Variants in GPR176 observed in about 807,000 individuals in gnomAD.
The protein encoded by GPR176 is G-protein coupled receptor 176.
GPR176 carries 26 observed loss-of-function variants against 35.4 expected under a neutral mutation model. That is an observed-to-expected ratio of 0.74 (90% CI 0.54 to 1.02). The LOEUF (loss-of-function observed/expected upper bound fraction) is 1.02, where lower values mean the gene tolerates loss of function less well. Ranked by LOEUF, GPR176 falls within the 50% of genes least tolerant of loss-of-function variation. GPR176 has a pLI of 0.00. For synonymous variants in GPR176, 278 were observed against 271.3 expected (o/e 1.02, Z -0.24); for missense variants, 597 against 665.3 (o/e 0.90, Z 1.13).
intron 1 of GPR176, chr15:39,807,506 CA>C: frequency 7.1e-7 from 1 of 1,409,384 alleles, no homozygotes; most frequent in Non-Finnish European, 9.4e-7. Context: ...TAATTTTGGG[CA>C]AAATAGTATT....
At chr15:39,881,760 G>A (rs2032484416) in intron 1 of GPR176, among the ~76,000 whole-genome samples, 1 of 152,176 alleles carries the variant, frequency 6.6e-6, no homozygotes, top group Non-Finnish European at 1.5e-5. Context: ...ACATAGTAAT[G>A]AATATAGCAA....
In GPR176 at chr15:39,801,931, T is replaced by G. The variant is rs1281868684; in HGVS notation, c.749A>C (p.Asn250Thr). The G allele has an allele frequency of 3.6e-5, 58 of 1,613,878 alleles. No individual in the cohort carries two copies. The highest frequency in any genetic ancestry group is 8.3e-5 in the Admixed American group (5 of 59,996). Residue 250 changes from asparagine (N) to threonine (T), a missense_variant, in exon 3 of 3, where the codon AAC becomes ACC. By Grantham distance (65) the Asn-to-Thr change is moderately conservative (BLOSUM62 0). Transcript: ENST00000561100. ...GGAGGCATAGGGAATAGAGATGGTG[T>G]TCTGTGGGGTCCGGAGCGCTGCTAT... ...VIIAALRTPQ[N>T]TISIPYASQR...
intron 1 of GPR176, among the ~76,000 whole-genome samples, chr15:39,852,929 G>T (rs908983686): frequency 3.3e-5 from 5 of 152,126 alleles, no homozygotes; most frequent in Non-Finnish European, 7.4e-5. Context: ...ACAAGGTGAG[G>T]ATGTGAAGAA....
chr15:39,848,320 G>A (rs1178020822), intron 1 of GPR176, among the ~76,000 whole-genome samples: 6 of 152,194 alleles, frequency 3.9e-5, no homozygotes, highest in African/African-American at 7.2e-5. Context: ...TGTGTGATGC[G>A]AAAACTTAGA....
Position 39,807,055 on chromosome 15 carries a change from C to G in GPR176, c.376G>C (p.Val126Leu). The G allele has an allele frequency of 6.2e-7, 1 of 1,613,890 alleles. No homozygotes were observed. Among genetic ancestry groups the G allele is most frequent in the African/African-American group, 1.3e-5 (1 of 75,024 alleles). The change falls in exon 2 of 3, where the codon GTA becomes CTA. Residue 126 changes from valine (V) to leucine (L), a missense_variant. Transcript: ENST00000561100. ...FCKVVKFLHK[V>L]FCSVTILSFP... ...CTGAGGATGGTCACAGAGCAGAATA[C>G]TTTGTGCAAAAATTTGACGACCTTG...
chr15:39,808,232 T>C (rs1320520633), intron 1 of GPR176, among the ~76,000 whole-genome samples: 4 of 152,174 alleles, frequency 2.6e-5, no homozygotes, highest in Non-Finnish European at 5.9e-5. Context: ...CAGAATCCTT[T>C]TTCCAGATAA....
intron 1 of GPR176, among the ~76,000 whole-genome samples, chr15:39,831,012 G>A (rs933423810): frequency 1.3e-5 from 2 of 152,100 alleles, no homozygotes; most frequent in Admixed American, 6.6e-5. Flanking sequence ...ATCTTTGAAC[G>A]TTTTAAATTG....
At chr15:39,892,905 T>G (rs540669058) in intron 1 of GPR176, among the ~76,000 whole-genome samples, 11 of 152,364 alleles carry the variant, frequency 7.2e-5, no homozygotes, top group Admixed American at 3.3e-4. Flanking sequence ...AGGAAACTAA[T>G]GCGGCCAAGC....
intron 1 of GPR176, among the ~76,000 whole-genome samples, chr15:39,826,240 C>T (rs1460807354): frequency 1.3e-5 from 2 of 152,124 alleles, no homozygotes; most frequent in Non-Finnish European, 2.9e-5. Flanking sequence ...GACATGCCAT[C>T]TGGGCAAGCT....
In GPR176 at chr15:39,824,943, G is replaced by A. The variant is rs146987120; in HGVS notation, c.173-17685C>T. On this transcript the variant is annotated intron_variant, in intron 1 of 2. Transcript: ENST00000561100. ...GTTCAGGCTGGATGTGGTGGCTCAT[G>A]CCTGTAATCCCAGCACTTTGGGAGG... 6.8e-3 allele frequency among the ~76,000 whole-genome samples: 1,035 copies of A among 152,260 alleles called. 12 individuals are homozygous for A. The highest frequency in any genetic ancestry group is 0.024 in the African/African-American group (998 of 41,534).
chr15:39,881,687 T>A (rs2032481106), intron 1 of GPR176, among the ~76,000 whole-genome samples: 1 of 152,172 alleles, frequency 6.6e-6, no homozygotes, highest in South Asian at 2.1e-4. Flanking sequence ...TACTAATGTG[T>A]TTTGTTTTAT....
intron 1 of GPR176, among the ~76,000 whole-genome samples, chr15:39,809,961 T>C (rs905688124): frequency 7.2e-5 from 11 of 151,818 alleles, no homozygotes; most frequent in African/African-American, 2.7e-4. Flanking sequence ...CTGGCTAACA[T>C]GGTGAAACCC....
chr15:39,866,958 A>C (rs779879863), intron 1 of GPR176, among the ~76,000 whole-genome samples: 1 of 152,166 alleles, frequency 6.6e-6, no homozygotes, highest in Non-Finnish European at 1.5e-5. Flanking sequence ...AGCAGGATCA[A>C]GCAAGGGACA....
chr15:39,894,259 G>A (rs1305227691), intron 1 of GPR176, among the ~76,000 whole-genome samples: 13 of 113,014 alleles, frequency 1.2e-4, no homozygotes, highest in Non-Finnish European at 2.3e-4. Flanking sequence ...CCGGGTTGGG[G>A]GCTGACCCCC....
At chr15:39,869,275 G>A (rs2031956741) in intron 1 of GPR176, among the ~76,000 whole-genome samples, 2 of 151,944 alleles carry the variant, frequency 1.3e-5, no homozygotes, top group African/African-American at 4.8e-5. Flanking sequence ...TAGGTTAGGT[G>A]AAATAAAAAA....
At chr15:39,878,915 T>G (rs941220272) in intron 1 of GPR176, among the ~76,000 whole-genome samples, 5 of 152,254 alleles carry the variant, frequency 3.3e-5, no homozygotes, top group Non-Finnish European at 7.3e-5. Flanking sequence ...CCTATGTATT[T>G]AGGCACTGAG....
At chr15:39,853,937 T>G (rs1193721150) in intron 1 of GPR176, among the ~76,000 whole-genome samples, 1 of 152,102 alleles carries the variant, frequency 6.6e-6, no homozygotes, top group African/African-American at 2.4e-5. Flanking sequence ...ATCATAATTA[T>G]TATTATTATT....
At chr15:39,897,629 C>T (rs997212788) in intron 1 of GPR176, among the ~76,000 whole-genome samples, 2 of 79,984 alleles carry the variant, frequency 2.5e-5, no homozygotes, top group African/African-American at 5.6e-5. Context: ...TTTTTTGAGA[C>T]GGAGTCTCGC....
intron 1 of GPR176, among the ~76,000 whole-genome samples, chr15:39,861,851 G>A: frequency 6.6e-6 from 1 of 152,230 alleles, no homozygotes; most frequent in East Asian, 1.9e-4. Flanking sequence ...CAAATCTTAA[G>A]ACGACTGTTG....
Sources: gnomAD v4.1 joint callset for allele counts (sites outside exome capture counted in the v4.1 genomes callset) on GRCh38, gnomAD v4.1.1 for gene constraint, MANE v1.5 for transcripts, NCBI Gene and HGNC (gene_info 2026-07-23, HGNC 2026-07-21) for gene names.